DPY19L4: variants seen among roughly 807,000 people sequenced by gnomAD.
DPY19L4 encodes dpy-19 like 4, also known as probable C-mannosyltransferase DPY19L4.
DPY19L4 carries 97 observed loss-of-function variants against 102.8 expected under a neutral mutation model. The ratio of observed to expected loss-of-function variants is 0.94; its 90% CI spans 0.80 to 1.12. The LOEUF is 1.12. Among genes scored for constraint, DPY19L4 ranks in the 50% most tolerant of loss-of-function variants. DPY19L4 has a pLI of 0.00. For missense variants in DPY19L4, 815 were observed against 850.4 expected (o/e 0.96, Z 0.52); for synonymous variants, 252 against 283.1 (o/e 0.89, Z 1.10).
At chr8:94,763,901 T>C (rs941207804) in intron 8 of DPY19L4, among the ~76,000 whole-genome samples, 4 of 152,100 alleles carry the variant, frequency 2.6e-5, no homozygotes, top group African/African-American at 9.7e-5. Context: ...CTAAAACTCC[T>C]GGGCTCAAGC....
At chr8:94,722,346 G>T (rs1175769185) in intron 1 of DPY19L4, among the ~76,000 whole-genome samples, 2 of 152,030 alleles carry the variant, frequency 1.3e-5, no homozygotes, top group African/African-American at 4.8e-5. Context: ...GGCCGAGGTT[G>T]CAGTGAGACG....
intron 6 of DPY19L4, among the ~76,000 whole-genome samples, chr8:94,747,566 T>TG (rs1563586669): frequency 6.8e-6 from 1 of 147,288 alleles, no homozygotes; most frequent in African/African-American, 2.5e-5. Context: ...TTTTTTTTTT[T>TG]TTTTTTTTTT....
chr8:94,774,247 A>G (rs1813067504), intron 13 of DPY19L4, among the ~76,000 whole-genome samples: 1 of 151,742 alleles, frequency 6.6e-6, no homozygotes, highest in African/African-American at 2.4e-5. Context: ...AAGTCTCACC[A>G]TGTTGCCCAG....
chr8:94,762,563 T>C (rs1812437469), intron 8 of DPY19L4, among the ~76,000 whole-genome samples: 1 of 152,112 alleles, frequency 6.6e-6, no homozygotes, highest in Admixed American at 6.6e-5. Flanking sequence ...AAGAGAGTTA[T>C]TTGGTAACTG....
At chr8:94,762,805 C>A (rs765085723) in intron 8 of DPY19L4, among the ~76,000 whole-genome samples, 32 of 151,936 alleles carry the variant, frequency 2.1e-4, no homozygotes, top group Non-Finnish European at 3.7e-4. Context: ...CCAGCCTGAG[C>A]AACATGGTAA....
At chr8:94,721,573 A>C (rs992015445) in intron 1 of DPY19L4, among the ~76,000 whole-genome samples, 1 of 152,094 alleles carries the variant, frequency 6.6e-6, no homozygotes, top group Admixed American at 6.6e-5. Context: ...TTCTTTTCTA[A>C]TTGCAAATTT....
In DPY19L4 at chr8:94,790,001, A is replaced by G. The variant is rs1031230753; in HGVS notation, c.*91A>G. ...GTGTCTTTTGCAGATCAGAGTATGG[A>G]CATTTGAAATATTGCTGCTTCTTTC... On this transcript the variant is annotated 3_prime_UTR_variant, in exon 19 of 19. Transcript: ENST00000414645. The G allele has an allele frequency of 6.3e-6, 8 of 1,268,992 alleles. No homozygotes were observed. Among genetic ancestry groups the G allele is most frequent in the Non-Finnish European group, 7.7e-6 (7 of 913,378 alleles). The allele number at this position is 1,268,992 out of a possible 1,614,324, so 78.6% of individuals were successfully genotyped here.
intron 1 of DPY19L4, among the ~76,000 whole-genome samples, chr8:94,725,810 G>GTA (rs1476263725): frequency 2.0e-5 from 3 of 151,688 alleles, no homozygotes; most frequent in Non-Finnish European, 2.9e-5. Context: ...TAATTTTTTG[G>GTA]TATTTTTTTT....
intron 6 of DPY19L4, among the ~76,000 whole-genome samples, chr8:94,747,442 G>C (rs188937401): frequency 6.6e-6 from 1 of 151,816 alleles, no homozygotes; most frequent in Non-Finnish European, 1.5e-5. Flanking sequence ...AAGTGGTACC[G>C]CATTGCCAAC....
intron 1 of DPY19L4, among the ~76,000 whole-genome samples, chr8:94,724,702 C>T (rs184062316): frequency 3.3e-5 from 5 of 152,294 alleles, no homozygotes; most frequent in Admixed American, 3.3e-4. Context: ...ATTCTCCTGC[C>T]TCAGCCTCCT....
At chr8:94,783,024 C>T (rs1273538877) in intron 16 of DPY19L4, among the ~76,000 whole-genome samples, 4 of 151,958 alleles carry the variant, frequency 2.6e-5, no homozygotes, top group East Asian at 1.9e-4. Context: ...TTTCAATAGC[C>T]GGGCACTATC....
chr8:94,732,811 CTTTTTTT>C (rs10624368), intron 2 of DPY19L4, among the ~76,000 whole-genome samples: 5 of 128,102 alleles, frequency 3.9e-5, no homozygotes, highest in African/African-American at 1.4e-4. Flanking sequence ...CTTTTTCTTT[CTTTTTTT>C]TTTTTTTTTT....
intron 13 of DPY19L4, among the ~76,000 whole-genome samples, chr8:94,776,184 C>T (rs1463343057): frequency 6.6e-6 from 1 of 151,908 alleles, no homozygotes; most frequent in Non-Finnish European, 1.5e-5. Context: ...AGGCGCCCAC[C>T]ACCATGCCCA....
chr8:94,736,662 A>G (rs1044325860), intron 3 of DPY19L4, among the ~76,000 whole-genome samples: 60 of 152,178 alleles, frequency 3.9e-4, no homozygotes, highest in African/African-American at 1.2e-3. Context: ...GATTTTTACT[A>G]TTATATTCTT....
At chr8:94,748,356 C>T (rs1811769818) in intron 6 of DPY19L4, among the ~76,000 whole-genome samples, 1 of 152,172 alleles carries the variant, frequency 6.6e-6, no homozygotes, top group Non-Finnish European at 1.5e-5. Flanking sequence ...AACGGAACTA[C>T]TGAGTTCAGC....
chr8:94,747,013 A>ATT (rs143416927), intron 6 of DPY19L4, among the ~76,000 whole-genome samples: 18 of 148,566 alleles, frequency 1.2e-4, no homozygotes, highest in Admixed American at 2.0e-4. Context: ...ACTACAAACA[A>ATT]TTTTTTTTTT....
intron 2 of DPY19L4, among the ~76,000 whole-genome samples, chr8:94,727,559 T>C (rs543068491): frequency 5.9e-5 from 9 of 152,204 alleles, no homozygotes; most frequent in African/African-American, 1.7e-4. Context: ...TTATAGCAAA[T>C]AATATAAAAC....
chr8:94,720,015 G>T lies in DPY19L4; in HGVS notation c.16+1G>T. 6.5e-7 allele frequency: 1 copy of T among 1,531,868 alleles called. No homozygotes were observed. Among genetic ancestry groups the T allele is most frequent in the Non-Finnish European group, 8.8e-7 (1 of 1,140,790 alleles). 94.9% of individuals were successfully genotyped at this position (1,531,868 alleles called of 1,614,324 possible). On this transcript the variant is annotated splice_donor_variant, in intron 1 of 18. Coordinates refer to ENST00000414645, the MANE Select transcript of DPY19L4 (RefSeq NM_181787.3). LOFTEE classifies it high-confidence loss of function. ...GCAGAAACGATGGCGGAGGAAGAAGGTGATTGCCGCGGGGTCCAGCGCGCC... is the reference window on the plus strand; with the variant it reads ...GCAGAAACGATGGCGGAGGAAGAAGTTGATTGCCGCGGGGTCCAGCGCGCC...
At chr8:94,728,619 G>A (rs751069821) in intron 2 of DPY19L4, among the ~76,000 whole-genome samples, 11 of 152,120 alleles carry the variant, frequency 7.2e-5, no homozygotes, top group Non-Finnish European at 5.9e-5. Flanking sequence ...ACTATATTTG[G>A]GAGCTGGAAA....
Sources: gnomAD v4.1 joint callset for allele counts (sites outside exome capture counted in the v4.1 genomes callset) on GRCh38, gnomAD v4.1.1 for gene constraint, MANE v1.5 for transcripts, NCBI Gene and HGNC (gene_info 2026-07-23, HGNC 2026-07-21) for gene names.